Variants in SPAG6 observed in about 807,000 individuals in gnomAD.
SPAG6 encodes the protein sperm associated antigen 6.
In SPAG6, 49 loss-of-function variants were observed where a neutral mutation model predicts 58.5. The observed-to-expected ratio is 0.84, with a 90% CI of 0.67 to 1.06. The LOEUF is 1.06. Among genes scored for constraint, SPAG6 ranks in the 50% least tolerant of loss-of-function variants. The pLI, the probability that SPAG6 is intolerant of heterozygous loss-of-function variation, is 0.00. For synonymous variants in SPAG6, 233 were observed against 225.6 expected (o/e 1.03, Z -0.29); for missense variants, 560 against 611.3 (o/e 0.92, Z 0.89).
At chr10:22,374,188 T>A (rs762234657) in intron 4 of SPAG6, among the ~76,000 whole-genome samples, 2 of 152,210 alleles carry the variant, frequency 1.3e-5, no homozygotes, top group Non-Finnish European at 2.9e-5. Flanking sequence ...TGCCTCTGAC[T>A]TTTTATATGA....
chr10:22,414,295 A>T (rs1834817523), intron 10 of SPAG6, among the ~76,000 whole-genome samples: 1 of 152,148 alleles, frequency 6.6e-6, no homozygotes, highest in Non-Finnish European at 1.5e-5. Context: ...CTTAAAGGAC[A>T]TTTAGAGGTA....
intron 2 of SPAG6, among the ~76,000 whole-genome samples, chr10:22,352,798 C>T (rs1034474686): frequency 1.2e-4 from 18 of 152,212 alleles, no homozygotes; most frequent in East Asian, 3.9e-4. Flanking sequence ...CATGAGCCAC[C>T]GCACCCAGCA....
rs1416540530 is a variant in SPAG6 at position 22,358,637 on chromosome 10, T to G, written c.122-6216T>G. Among the ~76,000 whole-genome samples the G allele has an allele frequency of 4.6e-5, 7 of 151,990 alleles. No homozygotes were observed. In the South Asian group the frequency reaches 1.5e-3, roughly 32 times the overall value. The stretch of plus-strand genomic sequence containing the variant: ...TTTGTTGCCATTGCTTTTGGTGTTT[T>G]AGACATGAAGTCCTTGCCCATGCCT... On this transcript the variant is annotated intron_variant, in intron 2 of 10. Transcript: ENST00000376624.
intron 2 of SPAG6, among the ~76,000 whole-genome samples, chr10:22,360,322 T>C (rs1836998343): frequency 6.7e-6 from 1 of 148,652 alleles, no homozygotes; most frequent in East Asian, 1.9e-4. Flanking sequence ...TTTTGTTTGT[T>C]TTTTTTTTTC....
intron 3 of SPAG6, among the ~76,000 whole-genome samples, chr10:22,366,368 A>G: frequency 6.6e-6 from 1 of 152,192 alleles, no homozygotes; most frequent in East Asian, 1.9e-4. Context: ...AAATCCATAG[A>G]GACAGAAGCA....
At chr10:22,374,728 A>T (rs536809845) in intron 4 of SPAG6, among the ~76,000 whole-genome samples, 3 of 151,848 alleles carry the variant, frequency 2.0e-5, no homozygotes, top group African/African-American at 7.3e-5. Flanking sequence ...GTGAGCTATG[A>T]TTGTGCCACT....
chr10:22,372,671 G>C (rs569945244), intron 4 of SPAG6, among the ~76,000 whole-genome samples: 1 of 152,212 alleles, frequency 6.6e-6, no homozygotes, highest in African/African-American at 2.4e-5. Flanking sequence ...GCAGCAGCCT[G>C]GCTGCAAGTG....
At chr10:22,404,744 A>C (rs866745715) in intron 9 of SPAG6, among the ~76,000 whole-genome samples, 4 of 145,358 alleles carry the variant, frequency 2.8e-5, no homozygotes, top group Non-Finnish European at 6.1e-5. Flanking sequence ...CCATTTTCAC[A>C]ATATTGATTC....
intron 2 of SPAG6, among the ~76,000 whole-genome samples, chr10:22,358,764 A>T (rs914109652): frequency 4.6e-5 from 7 of 151,942 alleles, no homozygotes; most frequent in Admixed American, 6.6e-5. Context: ...TTGTATAAGG[A>T]GTAAGGAAGG....
chr10:22,354,106 T>G (rs1263741220), intron 2 of SPAG6, among the ~76,000 whole-genome samples: 3 of 152,218 alleles, frequency 2.0e-5, no homozygotes, highest in Admixed American at 1.3e-4. Context: ...TTGAAGTGTT[T>G]TAATTGGAAG....
At chr10:22,392,715 T>C (rs979698519) in intron 8 of SPAG6, among the ~76,000 whole-genome samples, 2 of 152,022 alleles carry the variant, frequency 1.3e-5, no homozygotes, top group African/African-American at 4.8e-5. Context: ...AGTAAACAAA[T>C]AGGAAAACAA....
intron 8 of SPAG6, among the ~76,000 whole-genome samples, chr10:22,400,035 C>T (rs1242619592): frequency 6.6e-6 from 1 of 152,126 alleles, no homozygotes; most frequent in Non-Finnish European, 1.5e-5. Context: ...TAGCCTGGGT[C>T]TCCAGGAAAC....
chr10:22,355,008 A>G (rs1836828823), intron 2 of SPAG6, among the ~76,000 whole-genome samples: 1 of 152,096 alleles, frequency 6.6e-6, no homozygotes, highest in South Asian at 2.1e-4. Context: ...AAAAAAAAAA[A>G]GAGTCAGACA....
At chr10:22,358,112 G>A (rs1490758187) in intron 2 of SPAG6, among the ~76,000 whole-genome samples, 2 of 152,134 alleles carry the variant, frequency 1.3e-5, no homozygotes, top group East Asian at 3.9e-4. Context: ...TAATGGGATG[G>A]CTGGGTCAAA....
intron 7 of SPAG6, among the ~76,000 whole-genome samples, chr10:22,391,405 T>A (rs569486531): frequency 6.6e-6 from 1 of 152,224 alleles, no homozygotes; most frequent in Non-Finnish European, 1.5e-5. Context: ...TAAACATTTT[T>A]ATTTAGTCAC....
chr10:22,413,977 C>T (rs963866195), intron 10 of SPAG6, among the ~76,000 whole-genome samples: 3 of 151,860 alleles, frequency 2.0e-5, no homozygotes, highest in South Asian at 2.1e-4. Context: ...TACTGCCTTC[C>T]GATTTAGTAA....
At chr10:22,384,785 A>G (rs1834030957) in intron 4 of SPAG6, among the ~76,000 whole-genome samples, 1 of 152,232 alleles carries the variant, frequency 6.6e-6, no homozygotes, top group South Asian at 2.1e-4. Context: ...AGTTAGAAGA[A>G]CAGAATTTGC....
At position 22,396,315 on chromosome 10, in the gene SPAG6, C is replaced by T. The variant is rs549218671; in HGVS notation, c.1197+4395C>T. On this transcript the variant is annotated intron_variant, in intron 8 of 10. Coordinates refer to ENST00000376624, the MANE Select transcript of SPAG6 (RefSeq NM_012443.4). ...TGTTCTTGTGGTAGGGATTAAGTCT[C>T]ATGATAGTGGATGGTTTTATCAGGG... Among the ~76,000 whole-genome samples the T allele has an allele frequency of 5.9e-5, 9 of 152,296 alleles. No homozygotes were observed. The East Asian group carries it at 1.5e-3, about 26-fold the overall frequency.
At chr10:22,346,109 A>C in intron 2 of SPAG6, 1 of 1,462,138 alleles carries the variant, frequency 6.8e-7, no homozygotes, top group Non-Finnish European at 9.1e-7. Flanking sequence ...CGTGAATGGG[A>C]CTCTACCCTA....
Sources: allele counts gnomAD v4.1 joint callset (sites outside exome capture counted in the v4.1 genomes callset), GRCh38; gene constraint gnomAD v4.1.1; transcripts MANE v1.5; gene names NCBI Gene and HGNC (gene_info 2026-07-23, HGNC 2026-07-21).